SOX5: variants seen among roughly 807,000 people sequenced by gnomAD.
SOX5 encodes transcription factor SOX-5.
Under a neutral mutation model 92.0 loss-of-function variants are expected in SOX5, and 9 were observed. That is an observed-to-expected ratio of 0.10 (90% confidence interval 0.06 to 0.17). SOX5 has a LOEUF of 0.17. Among genes scored for constraint, SOX5 ranks in the 10% least tolerant of loss-of-function variants. The probability of loss-of-function intolerance (pLI) is 1.00; values close to 1 mark genes in which losing one functional copy is unlikely to be tolerated. For missense variants in SOX5, 642 were observed against 944.5 expected (o/e 0.68, Z 4.20); for synonymous variants, 344 against 336.3 (o/e 1.02, Z -0.25).
intron 4 of SOX5, among the ~76,000 whole-genome samples, chr12:24,010,618 G>A (rs1480143123): frequency 1.3e-5 from 2 of 152,126 alleles, no homozygotes; most frequent in Non-Finnish European, 2.9e-5. Flanking sequence ...GCATTTCTTG[G>A]AGAATCTTTC....
intron 4 of SOX5, among the ~76,000 whole-genome samples, chr12:23,979,708 T>TG (rs1569370163): frequency 8.1e-5 from 5 of 61,752 alleles, no homozygotes; most frequent in Admixed American, 2.0e-4. Flanking sequence ...GTTTTTTTTG[T>TG]TTTTTTTTTT....
intron 2 of SOX5, among the ~76,000 whole-genome samples, chr12:24,314,643 T>C (rs1475487506): frequency 6.6e-6 from 1 of 152,194 alleles, no homozygotes; most frequent in African/African-American, 2.4e-5. Context: ...AAAAAGTCCT[T>C]ACAATGCCCT....
chr12:23,625,749 A>C (rs986784224), intron 8 of SOX5, among the ~76,000 whole-genome samples: 14 of 152,164 alleles, frequency 9.2e-5, no homozygotes, highest in Non-Finnish European at 2.1e-4. Flanking sequence ...AGCTGGGATT[A>C]CAGGCGCCTG....
At position 24,123,990 on chromosome 12, in the gene SOX5, C is replaced by T. The variant is rs535286078; in HGVS notation, c.-2+89353G>A. On this transcript the variant is annotated intron_variant, in intron 4 of 4. Coordinates refer to the SOX5 transcript ENST00000446891. Reference sequence around the variant, plus strand: ...TGTGCTAAAAAGTTGATAGTTAAGTCGATTCTTAAAATGCAATTGCATGGC... The same window carrying T: ...TGTGCTAAAAAGTTGATAGTTAAGTTGATTCTTAAAATGCAATTGCATGGC... Among the ~76,000 whole-genome samples, 10 of 152,242 alleles carry T rather than the reference C, an allele frequency of 6.6e-5. No individual in the cohort carries two copies. In the East Asian group the frequency reaches 1.5e-3, roughly 23 times the overall value.
intron 3 of SOX5, among the ~76,000 whole-genome samples, chr12:23,842,888 T>A (rs1388624112): frequency 2.0e-5 from 3 of 152,066 alleles, no homozygotes; most frequent in Non-Finnish European, 4.4e-5. Flanking sequence ...TGTACAGAGC[T>A]CCTCCGCTTC....
chr12:23,882,985 T>A (rs1365699538), intron 2 of SOX5, among the ~76,000 whole-genome samples: 1 of 152,000 alleles, frequency 6.6e-6, no homozygotes, highest in Non-Finnish European at 1.5e-5. Context: ...ATCGAGACCA[T>A]CCTGGCTAAC....
At chr12:24,438,107 A>G (rs1939799329) in intron 1 of SOX5, among the ~76,000 whole-genome samples, 2 of 152,226 alleles carry the variant, frequency 1.3e-5, no homozygotes, top group African/African-American at 4.8e-5. Flanking sequence ...CAGCCATAAG[A>G]AAGGATGAGA....
intron 1 of SOX5, chr12:23,944,493 TGCAGGAGAAAACACAGA>T (rs1944220191): frequency 6.6e-6 from 1 of 152,158 alleles, no homozygotes; most frequent in South Asian, 2.1e-4. Context: ...GCTTCCAAAC[TGCAGGAGAAAACACAGA>T]GGTCAGAAAG....
intron 4 of SOX5, among the ~76,000 whole-genome samples, chr12:24,013,046 G>C (rs1049744712): frequency 2.0e-5 from 3 of 152,084 alleles, no homozygotes; most frequent in African/African-American, 7.2e-5. Context: ...AACAAAAAAA[G>C]TTTCTGCACA....
chr12:23,629,754 C>G (rs1019003823), intron 8 of SOX5, among the ~76,000 whole-genome samples: 1 of 152,014 alleles, frequency 6.6e-6, no homozygotes, highest in Non-Finnish European at 1.5e-5. Flanking sequence ...ATATTTCATT[C>G]ATTCTCTTTC....
rs2082388997 is a variant in SOX5, at chr12:23,657,020, G to A, written c.931+8424C>T. 2.6e-5 allele frequency among the ~76,000 whole-genome samples: 4 copies of A among 152,030 alleles called. No homozygotes were observed. In the South Asian group the frequency reaches 6.2e-4, roughly 24 times the overall value. On this transcript the variant is annotated intron_variant, in intron 7 of 14. Transcript: ENST00000451604. ...GACTATAGAGACAGGTTTAAGAAAT[G>A]TTTGAGTATACTCTTTGAAAATAGA...
At chr12:24,531,596 A>G (rs181904959) in intron 1 of SOX5, among the ~76,000 whole-genome samples, 1 of 152,302 alleles carries the variant, frequency 6.6e-6, no homozygotes, top group Admixed American at 6.5e-5. Flanking sequence ...AAGAAACTAT[A>G]TACTCATTTC....
chr12:23,674,499 G>A (rs1330835779), intron 6 of SOX5, among the ~76,000 whole-genome samples: 1 of 151,398 alleles, frequency 6.6e-6, no homozygotes, highest in African/African-American at 2.4e-5. Context: ...CACCGCTTCC[G>A]GCTAAGTTTT....
intron 4 of SOX5, among the ~76,000 whole-genome samples, chr12:23,970,364 G>A (rs908224079): frequency 2.6e-5 from 4 of 151,942 alleles, no homozygotes; most frequent in African/African-American, 9.7e-5. Context: ...CATTCACAAT[G>A]TTGTGCAACA....
chr12:24,170,575 G>C (rs879621714), intron 4 of SOX5, among the ~76,000 whole-genome samples: 1 of 152,090 alleles, frequency 6.6e-6, no homozygotes, highest in African/African-American at 2.4e-5. Flanking sequence ...TGCACACCCC[G>C]TCGGCCCACA....
At chr12:24,391,178 A>T (rs1032405225) in intron 1 of SOX5, among the ~76,000 whole-genome samples, 38 of 152,214 alleles carry the variant, frequency 2.5e-4, no homozygotes, top group African/African-American at 9.1e-4. Context: ...ATGATTAGTG[A>T]TGTTGAACAT....
At chr12:24,342,348 CT>C (rs1447217810) in intron 2 of SOX5, among the ~76,000 whole-genome samples, 2 of 152,148 alleles carry the variant, frequency 1.3e-5, no homozygotes, top group African/African-American at 4.8e-5. Flanking sequence ...CAATCTAGAC[CT>C]TTTTTTCTGA....
At chr12:23,544,778 ATG>A (rs1255905885) in intron 12 of SOX5, among the ~76,000 whole-genome samples, 1 of 152,246 alleles carries the variant, frequency 6.6e-6, no homozygotes, top group Non-Finnish European at 1.5e-5. Context: ...AATTTATGAA[ATG>A]TGTTATTACC....
intron 4 of SOX5, among the ~76,000 whole-genome samples, chr12:24,073,932 G>A (rs750349830): frequency 2.6e-5 from 4 of 152,048 alleles, no homozygotes; most frequent in African/African-American, 9.7e-5. Context: ...ATGGAAAAGA[G>A]TAAATCTGAG....
Sources: allele counts gnomAD v4.1 joint callset (sites outside exome capture counted in the v4.1 genomes callset), GRCh38; gene constraint gnomAD v4.1.1; transcripts MANE v1.5; gene names NCBI Gene and HGNC (gene_info 2026-07-23, HGNC 2026-07-21).